The following NDST4 variants were observed in gnomAD, a reference collection of about 807,000 sequenced individuals.
NDST4 encodes the protein N-heparan sulfate sulfotransferase 4.
Under a neutral mutation model 100.8 loss-of-function variants are expected in NDST4, and 63 were observed. The ratio of observed to expected loss-of-function variants is 0.62; its 90% CI spans 0.51 to 0.77. The LOEUF (loss-of-function observed/expected upper bound fraction) is 0.77. Among genes scored for constraint, NDST4 ranks in the 30% least tolerant of loss-of-function variants. NDST4 has a pLI of 0.00. For missense variants in NDST4, 943 were observed against 1,018.4 expected (o/e 0.93, Z 1.01); for synonymous variants, 377 against 361.8 (o/e 1.04, Z -0.48).
At chr4:114,864,986 G>A (rs1165891662) in intron 7 of NDST4, among the ~76,000 whole-genome samples, 3 of 151,976 alleles carry the variant, frequency 2.0e-5, no homozygotes, top group African/African-American at 7.3e-5. Context: ...AATACTACTG[G>A]TATTTTCCCA....
At chr4:115,012,794 T>C (rs2126261311) in intron 2 of NDST4, among the ~76,000 whole-genome samples, 2 of 152,118 alleles carry the variant, frequency 1.3e-5, no homozygotes, top group South Asian at 4.1e-4. Flanking sequence ...AATCTAATTG[T>C]TCATCAGTAG....
intron 7 of NDST4, among the ~76,000 whole-genome samples, chr4:114,854,691 A>G (rs1723754521): frequency 6.6e-6 from 1 of 152,058 alleles, no homozygotes; most frequent in Non-Finnish European, 1.5e-5. Flanking sequence ...GATGGTCTCT[A>G]TCTCCTGACC....
intron 2 of NDST4, among the ~76,000 whole-genome samples, chr4:115,057,607 C>T (rs1722545352): frequency 1.3e-5 from 2 of 151,878 alleles, no homozygotes; most frequent in South Asian, 2.1e-4. Flanking sequence ...TAGTACACAT[C>T]GATTCAGCCA....
intron 10 of NDST4, among the ~76,000 whole-genome samples, chr4:114,840,390 T>A (rs1578336636): frequency 6.6e-6 from 1 of 152,208 alleles, no homozygotes; most frequent in Non-Finnish European, 1.5e-5. Flanking sequence ...TGAAAAGATA[T>A]AAGACATAAC....
chr4:114,894,819 G>A (rs902874501), intron 6 of NDST4, among the ~76,000 whole-genome samples: 2 of 151,964 alleles, frequency 1.3e-5, no homozygotes, highest in African/African-American at 2.4e-5. Flanking sequence ...GTCTTTTACC[G>A]GTTTTTAAAG....
At chr4:114,995,235 A>G (rs279509) in intron 2 of NDST4, among the ~76,000 whole-genome samples, 52,119 of 151,856 alleles carry the variant, frequency 0.34, 9,066 homozygotes, top group South Asian at 0.49. Flanking sequence ...TAAGGGAAAT[A>G]TGAATGTAGA....
intron 6 of NDST4, among the ~76,000 whole-genome samples, chr4:114,897,691 C>G (rs531217525): frequency 1.1e-4 from 16 of 152,284 alleles, no homozygotes; most frequent in Non-Finnish European, 2.1e-4. Context: ...TCCATTCCCA[C>G]CAGCAATGAA....
chr4:114,852,728 T>C lies in NDST4; in HGVS notation c.1813A>G (p.Thr605Ala). ...PKFLVIGPQK[T>A]GTTALYLFLL... ...TAGCACAATTGGCTATTTTTACCTG[T>C]TTTTTGTGGACCAATTACTAGAAAT... is the stretch of plus-strand genomic sequence containing the variant. The change falls in exon 8 of 14, where the codon ACA becomes GCA. Residue 605 changes from threonine (T) to alanine (A), a missense_variant. Physicochemically the swap from Thr to Ala is moderately conservative, Grantham distance 58. This residue lies in a region of NDST4 where 526 missense variants were observed against 634.1 expected (regional missense o/e 0.83). Coordinates refer to ENST00000264363, the MANE Select transcript of NDST4 (RefSeq NM_022569.3). 6.3e-7 allele frequency: 1 copy of C among 1,596,118 alleles called. No individual in the cohort carries two copies. Among genetic ancestry groups the C allele is most frequent in the Non-Finnish European group, 8.6e-7 (1 of 1,164,484 alleles).
chr4:115,003,595 C>T lies in NDST4; in HGVS notation c.979-26321G>A, dbSNP rs542220549. Among the ~76,000 whole-genome samples the T allele has an allele frequency of 5.1e-4, 77 of 152,090 alleles. No individual in the cohort carries two copies. The South Asian group carries it at 0.015, about 29-fold the overall frequency. On this transcript the variant is annotated intron_variant, in intron 2 of 13. Coordinates refer to ENST00000264363, the MANE Select transcript of NDST4 (RefSeq NM_022569.3). ...TAAAAAAAGGGGTACTAGTACTTAGCGGTGGCTCACGCCTGTAATCCCAGT... is the reference window on the plus strand; with the variant it reads ...TAAAAAAAGGGGTACTAGTACTTAGTGGTGGCTCACGCCTGTAATCCCAGT...
chr4:114,896,053 A>C (rs1296010732), intron 6 of NDST4, among the ~76,000 whole-genome samples: 1 of 152,192 alleles, frequency 6.6e-6, no homozygotes, highest in Admixed American at 6.5e-5. Context: ...ATTCTAATAC[A>C]AAATATTAAG....
chr4:115,111,272 T>G (rs1199368267), intron 1 of NDST4, among the ~76,000 whole-genome samples: 3 of 151,946 alleles, frequency 2.0e-5, no homozygotes, highest in Non-Finnish European at 2.9e-5. Context: ...ATGTTTATTT[T>G]AAATCCAAGT....
chr4:115,082,259 G>T, intron 1 of NDST4, among the ~76,000 whole-genome samples: 1 of 152,014 alleles, frequency 6.6e-6, no homozygotes, highest in Non-Finnish European at 1.5e-5. Flanking sequence ...TAACACTATT[G>T]TTTTATATAT....
intron 2 of NDST4, among the ~76,000 whole-genome samples, chr4:115,051,488 G>C (rs954978968): frequency 1.3e-5 from 2 of 151,592 alleles, no homozygotes; most frequent in African/African-American, 4.8e-5. Context: ...TTTTTAATTT[G>C]CCACATATGA....
At chr4:115,048,930 C>T (rs948203967) in intron 2 of NDST4, among the ~76,000 whole-genome samples, 8 of 147,530 alleles carry the variant, frequency 5.4e-5, no homozygotes, top group African/African-American at 7.5e-5. Context: ...TGAGCCACTG[C>T]GCCCGGCCCA....
chr4:114,916,481 AG>A, intron 6 of NDST4, among the ~76,000 whole-genome samples: 1 of 151,478 alleles, frequency 6.6e-6, no homozygotes, highest in South Asian at 2.1e-4. Flanking sequence ...CTTCAATTAA[AG>A]TAAAAATTTT....
chr4:115,112,417 T>C (rs1729973906), intron 1 of NDST4, among the ~76,000 whole-genome samples: 2 of 151,842 alleles, frequency 1.3e-5, no homozygotes, highest in South Asian at 2.1e-4. Flanking sequence ...CAATTTATGT[T>C]AAAGCATTTA....
chr4:114,944,161 T>C (rs1725811369), intron 4 of NDST4, among the ~76,000 whole-genome samples: 1 of 152,148 alleles, frequency 6.6e-6, no homozygotes, highest in African/African-American at 2.4e-5. Context: ...GGGGCCAGAG[T>C]GTGTGAACTG....
intron 2 of NDST4, among the ~76,000 whole-genome samples, chr4:114,995,814 A>G (rs1727147552): frequency 6.6e-6 from 1 of 152,114 alleles, no homozygotes; most frequent in South Asian, 2.1e-4. Context: ...GTAAAGATTT[A>G]AAGTAGAAAC....
intron 2 of NDST4, among the ~76,000 whole-genome samples, chr4:115,062,679 G>C (rs1728849964): frequency 6.6e-6 from 1 of 150,636 alleles, no homozygotes; most frequent in Non-Finnish European, 1.5e-5. Flanking sequence ...CAAGAAAAAG[G>C]CATACAGAGT....
Sources: gnomAD v4.1 joint callset for allele counts (sites outside exome capture counted in the v4.1 genomes callset) on GRCh38, gnomAD v4.1.1 for gene constraint, gnomAD v4.1.1 regional missense constraint, MANE v1.5 for transcripts, NCBI Gene and HGNC (gene_info 2026-07-23, HGNC 2026-07-21) for gene names.